KDM5A: variants seen among roughly 807,000 people sequenced by gnomAD.
KDM5A encodes lysine-specific demethylase 5A.
KDM5A carries 42 observed loss-of-function variants against 193.5 expected under a neutral mutation model. The ratio of observed to expected loss-of-function variants is 0.22; its 90% CI spans 0.17 to 0.28. The LOEUF is 0.28. Among genes scored for constraint, KDM5A ranks in the 10% least tolerant of loss-of-function variants. KDM5A has a pLI of 1.00. For missense variants in KDM5A, 1,692 were observed against 2,055.1 expected, an observed-to-expected ratio of 0.82 and a Z score of 3.42; for synonymous variants, 796 against 718.1, an observed-to-expected ratio of 1.11 and a Z score of -1.73.
In KDM5A at chr12:323,116, T is replaced by C; in HGVS notation, c.2241A>G (p.Thr747=). 1 of 1,610,372 alleles carries C rather than the reference T, an allele frequency of 6.2e-7. No individual in the cohort carries two copies. Among genetic ancestry groups the C allele is most frequent in the South Asian group, 1.1e-5 (1 of 91,024 alleles). ...GGTTGAAGTTAGCAGACAATGCTTC[T>C]GTAACACGACTGACCCAAGTGTCAT... The part of the protein sequence containing the change: ...QSYDTWVSRV[T]EALSANFNHK... The change falls in exon 16 of 28, where the codon ACA becomes ACG. Residue 747 remains threonine (T), a synonymous_variant. Coordinates refer to ENST00000399788, the MANE Select transcript of KDM5A (RefSeq NM_001042603.3).
chr12:310,666 G>A (rs1292783364), intron 21 of KDM5A, among the ~76,000 whole-genome samples: 2 of 152,028 alleles, frequency 1.3e-5, no homozygotes, highest in Admixed American at 1.3e-4. Context: ...TCAATGACTA[G>A]AGTCCAATAA....
intron 5 of KDM5A, among the ~76,000 whole-genome samples, chr12:361,916 G>C (rs145955056): frequency 6.6e-6 from 1 of 152,116 alleles, no homozygotes; most frequent in African/African-American, 2.4e-5. Context: ...ATGGCATAAC[G>C]GAGAGATAGT....
chr12:346,347 G>A (rs1051002304), intron 10 of KDM5A, among the ~76,000 whole-genome samples: 1 of 152,140 alleles, frequency 6.6e-6, no homozygotes, highest in African/African-American at 2.4e-5. Context: ...AAGAGGAGCT[G>A]GTACCATTCC....
intron 3 of KDM5A, among the ~76,000 whole-genome samples, chr12:368,656 C>T (rs906359217): frequency 2.0e-5 from 3 of 152,040 alleles, no homozygotes; most frequent in South Asian, 2.1e-4. Context: ...CGCTTGAACC[C>T]GGGAGGAGGA....
chr12:367,145 G>C (rs1405650409), intron 3 of KDM5A, among the ~76,000 whole-genome samples: 1 of 152,160 alleles, frequency 6.6e-6, no homozygotes, highest in Non-Finnish European at 1.5e-5. Context: ...TAAGTGACAC[G>C]ATTGTACAGG....
rs562483547 is a variant in KDM5A, at chr12:375,042, C to T, written c.367-8938G>A. Reference sequence around the variant, plus strand: ...TTCATTTCAACTTTGGTGAATCTGACAATTATGTGTCTTGGAGTTGCTCTT... The same window carrying T: ...TTCATTTCAACTTTGGTGAATCTGATAATTATGTGTCTTGGAGTTGCTCTT... On this transcript the variant is annotated intron_variant, in intron 3 of 27. Coordinates refer to ENST00000399788, the MANE Select transcript of KDM5A (RefSeq NM_001042603.3). Among the ~76,000 whole-genome samples, 7 of 152,236 alleles carry T rather than the reference C, an allele frequency of 4.6e-5. No individual in the cohort carries two copies. In the East Asian group the frequency reaches 9.7e-4, roughly 21 times the overall value.
chr12:383,140 A>T lies in KDM5A; in HGVS notation c.366+891T>A, dbSNP rs543111094. ...CCTCAGTCAGCCATTAACACTACATACACGTATTAACAAAACTAATATATA... is the reference window on the plus strand; with the variant it reads ...CCTCAGTCAGCCATTAACACTACATTCACGTATTAACAAAACTAATATATA... On this transcript the variant is annotated intron_variant, in intron 3 of 27. Coordinates refer to ENST00000399788, the MANE Select transcript of KDM5A (RefSeq NM_001042603.3). 1.5e-3 allele frequency among the ~76,000 whole-genome samples: 233 copies of T among 152,194 alleles called. 2 individuals carry two copies. Among genetic ancestry groups the T allele is most frequent in the African/African-American group, 5.4e-3 (226 of 41,524 alleles).
In KDM5A at chr12:352,396, T is replaced by C. The variant is rs951563423; in HGVS notation, c.1030-72A>G. 1.3e-5 allele frequency: 18 copies of C among 1,378,706 alleles called. No homozygotes were observed. In the African/African-American group the frequency reaches 1.9e-4, roughly 14 times the overall value. 85.4% of individuals were successfully genotyped at this position (1,378,706 alleles called of 1,614,324 possible). On this transcript the variant is annotated intron_variant, in intron 8 of 27. Coordinates refer to ENST00000399788, the MANE Select transcript of KDM5A (RefSeq NM_001042603.3). ...AGAAAGCTTTAAGGCTCTTAGTTACTAAATTCTTTGATCATTTCCCTAGGT... is the reference window on the plus strand; with the variant it reads ...AGAAAGCTTTAAGGCTCTTAGTTACCAAATTCTTTGATCATTTCCCTAGGT...
intron 15 of KDM5A, among the ~76,000 whole-genome samples, 190 bp from the exon 16 acceptor site, chr12:323,396 A>G (rs1347845843): frequency 6.6e-6 from 1 of 152,198 alleles, no homozygotes; most frequent in African/African-American, 2.4e-5. Flanking sequence ...CAGGGAGACA[A>G]GGAACATGTG....
At chr12:292,374 C>T (rs1943306655) in intron 27 of KDM5A, among the ~76,000 whole-genome samples, 1 of 152,036 alleles carries the variant, frequency 6.6e-6, no homozygotes, top group African/African-American at 2.4e-5. Context: ...CAATACTGGC[C>T]CAGGATTTTT....
At chr12:296,931 G>A in intron 25 of KDM5A, 110 bp downstream of exon 25, 2 of 1,138,168 alleles carry the variant, frequency 1.8e-6, no homozygotes, top group African/African-American at 1.5e-5. Flanking sequence ...AGTATTTCAT[G>A]GCCAACCATT....
intron 27 of KDM5A, among the ~76,000 whole-genome samples, chr12:286,706 T>C (rs897606736): frequency 6.6e-6 from 1 of 152,144 alleles, no homozygotes; most frequent in Non-Finnish European, 1.5e-5. Flanking sequence ...GTAAATGAGT[T>C]TCATTCATAG....
At position 280,063 on chromosome 12, in the gene KDM5A, T is replaced by C. The variant is rs891377801; in HGVS notation, c.*5393A>G. On this transcript the variant is annotated 3_prime_UTR_variant, in exon 28 of 28. Transcript: ENST00000399788. Reference sequence around the variant, plus strand: ...AATTTCATGGAACTTTAAGGAAATATTAAATCAAGTCTTTCTTCCTACCAA... The same window carrying C: ...AATTTCATGGAACTTTAAGGAAATACTAAATCAAGTCTTTCTTCCTACCAA... 1 of 214,186 alleles carries C rather than the reference T, an allele frequency of 4.7e-6. No individual in the cohort carries two copies. Among genetic ancestry groups the C allele is most frequent in the African/African-American group, 2.3e-5 (1 of 44,398 alleles). The allele number at this position is 214,186 out of a possible 1,614,324, so 13.3% of individuals were successfully genotyped here.
chr12:294,992 C>T (rs906901580), intron 26 of KDM5A, among the ~76,000 whole-genome samples: 2 of 152,150 alleles, frequency 1.3e-5, no homozygotes, highest in Non-Finnish European at 2.9e-5. Context: ...CTTCTCTCCC[C>T]CCCAGGCTTC....
chr12:284,578 AG>A lies in KDM5A; in HGVS notation c.*877del, dbSNP rs1943195012. 2 of 232,970 alleles carry A rather than the reference AG, an allele frequency of 8.6e-6. No individual in the cohort carries two copies. Among genetic ancestry groups the A allele is most frequent in the East Asian group, 1.2e-4 (2 of 16,524 alleles). The allele number at this position is 232,970 out of a possible 1,614,324, so 14.4% of individuals were successfully genotyped here. The stretch of plus-strand genomic sequence containing the variant: ...CTTGTGAATGAAGTTTTCCCCGAAA[AG>A]CATGCATCACTGTGGCTCAGTAAGA... On this transcript the variant is annotated 3_prime_UTR_variant, in exon 28 of 28. Coordinates refer to ENST00000399788, the MANE Select transcript of KDM5A (RefSeq NM_001042603.3).
chr12:318,883 G>A (rs1196530066), intron 18 of KDM5A, among the ~76,000 whole-genome samples: 2 of 152,224 alleles, frequency 1.3e-5, no homozygotes, highest in African/African-American at 4.8e-5. Context: ...TGACCAGAGT[G>A]GGGAAGGGCA....
chr12:342,614 C>A (rs1469464720), intron 10 of KDM5A, among the ~76,000 whole-genome samples: 1 of 151,948 alleles, frequency 6.6e-6, no homozygotes, highest in Non-Finnish European at 1.5e-5. Context: ...CAAGCGCCAC[C>A]ACGCCCAGCT....
At chr12:300,751 T>C (rs1943431403) in intron 24 of KDM5A, among the ~76,000 whole-genome samples, 1 of 152,124 alleles carries the variant, frequency 6.6e-6, no homozygotes, top group South Asian at 2.1e-4. Context: ...AGCTGGTTTT[T>C]TGAAAAGATC....
chr12:369,350 T>C (rs980789848), intron 3 of KDM5A, among the ~76,000 whole-genome samples: 5 of 152,238 alleles, frequency 3.3e-5, no homozygotes, highest in African/African-American at 1.2e-4. Context: ...CTATTCTAGG[T>C]ACCTGGGATA....
Sources: gnomAD v4.1 joint callset for allele counts (sites outside exome capture counted in the v4.1 genomes callset) on GRCh38, gnomAD v4.1.1 for gene constraint, MANE v1.5 for transcripts, NCBI Gene and HGNC (gene_info 2026-07-23, HGNC 2026-07-21) for gene names.